MUC7: variants seen among roughly 807,000 people sequenced by gnomAD.
MUC7 encodes the protein mucin 7, secreted, also known as mucin-7.
MUC7 carries 2 observed loss-of-function variants against 2.5 expected under a neutral mutation model. The observed-to-expected ratio is 0.81, with a 90% CI of 0.33 to 2.55. The LOEUF (loss-of-function observed/expected upper bound fraction) is 2.55, where lower values mean the gene tolerates loss of function less well. Among genes scored for constraint, MUC7 ranks in the 30% most tolerant of loss-of-function variants. The pLI is 0.11. For synonymous variants in MUC7, 133 were observed against 173.4 expected, an observed-to-expected ratio of 0.77 and a Z score of 1.83; for missense variants, 408 against 455.6, an observed-to-expected ratio of 0.90 and a Z score of 0.95.
At chr4:70,434,468 A>C (rs1483043546) in intron 1 of MUC7, among the ~76,000 whole-genome samples, 1 of 152,158 alleles carries the variant, frequency 6.6e-6, no homozygotes, top group Admixed American at 6.5e-5. Flanking sequence ...GTGTCCAGGA[A>C]TTTATCCATT....
intron 1 of MUC7, among the ~76,000 whole-genome samples, chr4:70,443,378 G>A (rs1000982755): frequency 8.0e-5 from 12 of 149,212 alleles, no homozygotes; most frequent in Admixed American, 6.7e-5. Flanking sequence ...CAACAAAGTG[G>A]CCACCAACAA....
At chr4:70,475,232 T>C (rs1333948253) in intron 2 of MUC7, among the ~76,000 whole-genome samples, 1 of 151,948 alleles carries the variant, frequency 6.6e-6, no homozygotes, top group Non-Finnish European at 1.5e-5. Flanking sequence ...TGAGCCGAGA[T>C]TGCATCACTG....
chr4:70,471,006 A>G (rs1734821340), upstream of MUC7, among the ~76,000 whole-genome samples: 1 of 152,342 alleles, frequency 6.6e-6, no homozygotes, highest in African/African-American at 2.4e-5. Context: ...TAACCTGTCA[A>G]AAATTACATG....
At chr4:70,480,675 A>G in intron 2 of MUC7, 124 bp from the exon 3 acceptor site, 1 of 990,418 alleles carries the variant, frequency 1.0e-6, no homozygotes, top group East Asian at 2.6e-5. Context: ...ACTTGACTCA[A>G]TAATGTACTC....
At chr4:70,467,774 T>C (rs1292218860), upstream of MUC7, among the ~76,000 whole-genome samples, 1 of 152,038 alleles carries the variant, frequency 6.6e-6, no homozygotes, top group Non-Finnish European at 1.5e-5. Flanking sequence ...ATTAATAGTC[T>C]ACCAACCAAA....
At chr4:70,475,093 A>T (rs939108339) in intron 2 of MUC7, among the ~76,000 whole-genome samples, 3 of 152,166 alleles carry the variant, frequency 2.0e-5, no homozygotes, top group African/African-American at 7.2e-5. Context: ...AGCCTGGCCA[A>T]CATGGTGAAA....
At chr4:70,457,300 G>A in intron 1 of MUC7, among the ~76,000 whole-genome samples, 1 of 152,054 alleles carries the variant, frequency 6.6e-6, no homozygotes, top group East Asian at 1.9e-4. Context: ...TTTTAAATTA[G>A]CCAGGTGTGA....
intron 2 of MUC7, among the ~76,000 whole-genome samples, chr4:70,477,640 C>G (rs912600832): frequency 6.6e-6 from 1 of 152,144 alleles, no homozygotes; most frequent in African/African-American, 2.4e-5. Context: ...TCTTCTCCCT[C>G]TTCTCTGCTC....
Position 70,436,288 on chromosome 4 carries a change from A to C in MUC7, c.-93+5601A>C, listed in dbSNP as rs551462744. Among the ~76,000 whole-genome samples the C allele has an allele frequency of 4.6e-5, 7 of 152,292 alleles. No homozygotes were observed. The South Asian group carries it at 1.4e-3, about 32-fold the overall frequency. ...GGAAGTTCTCCTGGATATATCCTGA[A>C]GAGTGTTTTCTAATTTGGTTCCATT... On this transcript the variant is annotated intron_variant, in intron 1 of 3. Transcript: ENST00000413702.
chr4:70,468,905 C>A (rs1255828162), upstream of MUC7, among the ~76,000 whole-genome samples: 2 of 151,856 alleles, frequency 1.3e-5, no homozygotes, highest in South Asian at 2.1e-4. Flanking sequence ...AGAAAAAAAC[C>A]ACTTAAATGT....
chr4:70,460,475 T>TC lies in MUC7; in HGVS notation c.-92-11740_-92-11739insC, dbSNP rs202243650. On this transcript the variant is annotated intron_variant, in intron 1 of 3. Coordinates refer to the MUC7 transcript ENST00000413702. ...CATGAAAGTTATGAAAAATTCTTTT[T>TC]TTTTTTTGAGATGGAGTGGGGGATG... Among the ~76,000 whole-genome samples, 336 of 151,540 alleles carry TC rather than the reference T, an allele frequency of 2.2e-3. 6 individuals are homozygous for TC. The East Asian group carries it at 0.059, about 27-fold the overall frequency.
At chr4:70,475,494 A>T (rs1734972332) in intron 2 of MUC7, among the ~76,000 whole-genome samples, 1 of 152,144 alleles carries the variant, frequency 6.6e-6, no homozygotes, top group African/African-American at 2.4e-5. Context: ...AAATGTAGGA[A>T]GTTTAGATAT....
At chr4:70,436,349 G>C (rs928762378) in intron 1 of MUC7, among the ~76,000 whole-genome samples, 4 of 152,172 alleles carry the variant, frequency 2.6e-5, no homozygotes, top group African/African-American at 9.7e-5. Context: ...ATCAAACGTA[G>C]ATTTGGTCTT....
intron 1 of MUC7, among the ~76,000 whole-genome samples, chr4:70,460,728 C>T (rs556183591): frequency 6.6e-6 from 1 of 152,106 alleles, no homozygotes; most frequent in African/African-American, 2.4e-5. Flanking sequence ...TTTGGTCCAG[C>T]CAGCACTGTG....
At chr4:70,447,949 C>A (rs188251286) in intron 1 of MUC7, among the ~76,000 whole-genome samples, 13 of 152,250 alleles carry the variant, frequency 8.5e-5, no homozygotes, top group African/African-American at 2.9e-4. Context: ...CATTACCTTC[C>A]CAGCCTCTAA....
At chr4:70,437,990 A>G (rs911866348) in intron 1 of MUC7, among the ~76,000 whole-genome samples, 2 of 152,196 alleles carry the variant, frequency 1.3e-5, no homozygotes, top group Non-Finnish European at 2.9e-5. Context: ...TTTGGATACT[A>G]TAAATAATTT....
At chr4:70,471,777 A>G (rs777792988), upstream of MUC7, among the ~76,000 whole-genome samples, 19 of 152,100 alleles carry the variant, frequency 1.2e-4, no homozygotes, top group Non-Finnish European at 2.8e-4. Flanking sequence ...TATTTTTTTT[A>G]AATCCTCTGT....
intron 1 of MUC7, among the ~76,000 whole-genome samples, chr4:70,439,340 T>C (rs1271578080): frequency 6.6e-6 from 1 of 152,148 alleles, no homozygotes; most frequent in Non-Finnish European, 1.5e-5. Flanking sequence ...ACCTTCTAAG[T>C]GGTGGCAAAA....
intron 1 of MUC7, among the ~76,000 whole-genome samples, chr4:70,459,372 T>C (rs994391271): frequency 5.9e-5 from 9 of 152,150 alleles, no homozygotes; most frequent in African/African-American, 1.7e-4. Flanking sequence ...TAGGTGGGAA[T>C]TGAACAATGA....
Sources: allele counts gnomAD v4.1 joint callset (sites outside exome capture counted in the v4.1 genomes callset), GRCh38; gene constraint gnomAD v4.1.1; transcripts MANE v1.5; gene names NCBI Gene and HGNC (gene_info 2026-07-23, HGNC 2026-07-21).